Variants in SAMD7 observed in about 807,000 individuals in gnomAD.
The protein encoded by SAMD7 is sterile alpha motif domain containing 7, also known as sterile alpha motif domain-containing protein 7.
SAMD7 carries 34 observed loss-of-function variants against 36.7 expected under a neutral mutation model. That is an observed-to-expected ratio of 0.93 (90% CI 0.71 to 1.23). The LOEUF (loss-of-function observed/expected upper bound fraction) is 1.23. Ranked by LOEUF, SAMD7 falls within the 50% of genes most tolerant of loss-of-function variation. The pLI is 0.00. For missense variants in SAMD7, 570 were observed against 546.6 expected, an observed-to-expected ratio of 1.04 and a Z score of -0.43; for synonymous variants, 188 against 189.7, an observed-to-expected ratio of 0.99 and a Z score of 0.07.
At position 169,920,816 on chromosome 3, in the gene SAMD7, AC is replaced by A. The variant is rs1713011742; in HGVS notation, c.87-395del. 5.9e-5 allele frequency among the ~76,000 whole-genome samples: 9 copies of A among 152,346 alleles called. 1 individual carries two copies. The South Asian group carries it at 1.9e-3, about 32-fold the overall frequency. ...TAAAGTTTAGAAAAATAAGTTGTCCACCCAGGTACTCAAACATTGATCCCAG... is the reference window on the plus strand; with the variant it reads ...TAAAGTTTAGAAAAATAAGTTGTCCACCAGGTACTCAAACATTGATCCCAG... On this transcript the variant is annotated intron_variant, in intron 3 of 8. Transcript: ENST00000335556.
At chr3:169,916,827 A>G (rs1374724977) in intron 2 of SAMD7, among the ~76,000 whole-genome samples, 1 of 152,224 alleles carries the variant, frequency 6.6e-6, no homozygotes, top group Non-Finnish European at 1.5e-5. Flanking sequence ...TAAATGGTCT[A>G]GAGGGAAGAA....
intron 8 of SAMD7, among the ~76,000 whole-genome samples, chr3:169,937,623 G>A (rs1713768803): frequency 6.6e-6 from 1 of 152,200 alleles, no homozygotes; most frequent in South Asian, 2.1e-4. Context: ...ATTCCATGGT[G>A]TATATGTACC....
chr3:169,928,578 G>A lies in SAMD7; in HGVS notation c.1041G>A (p.Gln347=). The A allele has an allele frequency of 6.2e-7, 1 of 1,612,562 alleles. No individual in the cohort carries two copies. The highest frequency in any genetic ancestry group is 8.5e-7 in the Non-Finnish European group (1 of 1,179,402). ...TTCCAGGTTGTTCAGACTATGCTCA[G>A]GTGACTTAATGTTTAAGTATTTCCA... is the stretch of plus-strand genomic sequence containing the variant. ...RSLPGCSDYA[Q]VFKDHAIDGE... Residue 347 remains glutamine (Q), a splice_region_variant and synonymous_variant, in exon 7 of 9, where the codon CAG becomes CAA. Transcript: ENST00000335556.
chr3:169,927,282 T>A, intron 6 of SAMD7, 101 bp downstream of exon 6: 1 of 604,272 alleles, frequency 1.7e-6, no homozygotes. Flanking sequence ...TCTTTTTATC[T>A]TTCTTTTTTT....
chr3:169,917,581 C>A (rs1712860969), intron 2 of SAMD7, among the ~76,000 whole-genome samples: 1 of 151,916 alleles, frequency 6.6e-6, no homozygotes, highest in African/African-American at 2.4e-5. Context: ...CTTTGTATTA[C>A]AAACAATCCA....
Position 169,928,438 on chromosome 3 carries a change from A to G in SAMD7, c.920-19A>G. 1 of 1,603,866 alleles carries G rather than the reference A, an allele frequency of 6.2e-7. No individual in the cohort carries two copies. Among genetic ancestry groups the G allele is most frequent in the Non-Finnish European group, 8.5e-7 (1 of 1,171,016 alleles). On this transcript the variant is annotated intron_variant, in intron 6 of 8. Coordinates refer to ENST00000335556, the MANE Select transcript of SAMD7 (RefSeq NM_001304366.2). ...AAACCTGTATGTATTTTATGCCACA[A>G]TTTCTTTCCATTTTAAAGGAACACA...
chr3:169,923,951 T>C (rs1288336594), intron 4 of SAMD7, among the ~76,000 whole-genome samples: 1 of 152,236 alleles, frequency 6.6e-6, no homozygotes, highest in Non-Finnish European at 1.5e-5. Flanking sequence ...AGAAGGTTTC[T>C]TGAGACCAGA....
At chr3:169,924,025 G>A (rs1713158072) in intron 4 of SAMD7, among the ~76,000 whole-genome samples, 1 of 152,152 alleles carries the variant, frequency 6.6e-6, no homozygotes, top group South Asian at 2.1e-4. Context: ...TTCTTGCACA[G>A]ACTTTCTCTG....
rs754596757 is a variant in SAMD7, at chr3:169,932,979, T to G, written c.1042-3360T>G. ...CCCTTGCTGGATGAAAGAAGCATTC[T>G]TTCCCCCCCTCTATCAGTGTGGCAT... On this transcript the variant is annotated intron_variant, in intron 7 of 8. Coordinates refer to ENST00000335556, the MANE Select transcript of SAMD7 (RefSeq NM_001304366.2). 8.4e-6 allele frequency: 6 copies of G among 712,138 alleles called. No homozygotes were observed. In the East Asian group the frequency reaches 1.1e-4, roughly 13 times the overall value. The allele number at this position is 712,138 out of a possible 1,614,324, so 44.1% of individuals were successfully genotyped here.
chr3:169,919,259 CA>C (rs1712942311), intron 2 of SAMD7, among the ~76,000 whole-genome samples, 198 bp from the exon 3 acceptor site: 2 of 152,232 alleles, frequency 1.3e-5, no homozygotes, highest in African/African-American at 4.8e-5. Flanking sequence ...GTGAACTCTG[CA>C]ACAAATTCCA....
At chr3:169,912,165 A>G (rs766262416) in intron 1 of SAMD7, among the ~76,000 whole-genome samples, 1 of 152,232 alleles carries the variant, frequency 6.6e-6, no homozygotes, top group South Asian at 2.1e-4. Context: ...AAACAGATGA[A>G]GTACCTACCT....
Position 169,921,216 on chromosome 3 carries a change from A to G in SAMD7, c.89A>G (p.Asp30Gly), listed in dbSNP as rs753499250. The G allele has an allele frequency of 6.2e-7, 1 of 1,613,756 alleles. No homozygotes were observed. Among genetic ancestry groups the G allele is most frequent in the African/African-American group, 1.3e-5 (1 of 74,898 alleles). ...SPFGPPTVDR[D>G]VLPSTVAPTD... ...ATTTTATATCTTTTTGTTCTCAGAG[A>G]TGTATTGCCTTCCACCGTAGCTCCA... The change falls in exon 4 of 9, where the codon GAT becomes GGT. Residue 30 changes from aspartate (D) to glycine (G), a missense_variant and splice_region_variant. Coordinates refer to ENST00000335556, the MANE Select transcript of SAMD7 (RefSeq NM_001304366.2).
At position 169,938,313 on chromosome 3, in the gene SAMD7, A is replaced by G; in HGVS notation, c.1153-5A>G. On this transcript the variant is annotated splice_polypyrimidine_tract_variant and splice_region_variant and intron_variant, in intron 8 of 8. Transcript: ENST00000335556. ...TTGATTACTATAATTATTTTGTCTT[A>G]AAAGGTATCTCAGCATGTGGGAAGT... 1 of 1,577,622 alleles carries G rather than the reference A, an allele frequency of 6.3e-7. No homozygotes were observed. Among genetic ancestry groups the G allele is most frequent in the Non-Finnish European group, 8.7e-7 (1 of 1,153,420 alleles).
At chr3:169,913,394 G>A (rs1038851767) in intron 1 of SAMD7, among the ~76,000 whole-genome samples, 2 of 152,156 alleles carry the variant, frequency 1.3e-5, no homozygotes, top group African/African-American at 2.4e-5. Flanking sequence ...AAATCATTCC[G>A]TGAATATCTG....
intron 2 of SAMD7, among the ~76,000 whole-genome samples, chr3:169,918,461 A>C (rs949414642): frequency 1.2e-4 from 19 of 152,218 alleles, no homozygotes; most frequent in African/African-American, 4.6e-4. Context: ...GAGAATGAAG[A>C]AGAAGCTAAA....
intron 3 of SAMD7, 147 bp from the exon 4 acceptor site, chr3:169,921,067 A>G: frequency 1.4e-6 from 1 of 689,888 alleles, no homozygotes; most frequent in Non-Finnish European, 2.4e-6. Context: ...CCATAAATTC[A>G]TAAAGACTCC....
chr3:169,922,896 C>G (rs538318749), intron 4 of SAMD7, among the ~76,000 whole-genome samples: 1 of 152,180 alleles, frequency 6.6e-6, no homozygotes, highest in Non-Finnish European at 1.5e-5. Context: ...ATCTGCAGAG[C>G]AAGTAAGATG....
chr3:169,915,186 A>G (rs1368730964), intron 1 of SAMD7, among the ~76,000 whole-genome samples, 181 bp from the exon 2 acceptor site: 1 of 152,184 alleles, frequency 6.6e-6, no homozygotes, highest in Admixed American at 6.5e-5. Flanking sequence ...GATGTGTACC[A>G]TAGGTTTCTT....
At chr3:169,934,590 G>A (rs925660160) in intron 7 of SAMD7, among the ~76,000 whole-genome samples, 5 of 152,140 alleles carry the variant, frequency 3.3e-5, no homozygotes, top group Non-Finnish European at 7.4e-5. Flanking sequence ...ACATGGTATG[G>A]GGACAGAATC....
Sources: gnomAD v4.1 joint callset for allele counts (sites outside exome capture counted in the v4.1 genomes callset) on GRCh38, gnomAD v4.1.1 for gene constraint, MANE v1.5 for transcripts, NCBI Gene and HGNC (gene_info 2026-07-23, HGNC 2026-07-21) for gene names.